The following UGT1A9 variants were observed in gnomAD, a reference collection of about 807,000 sequenced individuals.
UGT1A9 encodes the protein UDP-glucuronosyltransferase 1A9.
Under a neutral mutation model 45.0 loss-of-function variants are expected in UGT1A9, and 35 were observed. The ratio of observed to expected loss-of-function variants is 0.78; its 90% CI spans 0.59 to 1.03. The LOEUF is 1.03. UGT1A9 is among the 50% of genes least tolerant of loss of function. The pLI is 0.00. For synonymous variants in UGT1A9, 278 were observed against 250.6 expected, an observed-to-expected ratio of 1.11 and a Z score of -1.03; for missense variants, 687 against 666.6, an observed-to-expected ratio of 1.03 and a Z score of -0.34.
intron 1 of UGT1A9, among the ~76,000 whole-genome samples, chr2:233,763,457 A>G (rs1297743892): frequency 6.6e-6 from 1 of 152,174 alleles, no homozygotes; most frequent in African/African-American, 2.4e-5. Context: ...GCCTATTTGA[A>G]TCTAACAATT....
At chr2:233,708,245 A>G (rs748407725) in intron 1 of UGT1A9, among the ~76,000 whole-genome samples, 7 of 152,232 alleles carry the variant, frequency 4.6e-5, no homozygotes, top group African/African-American at 1.4e-4. Flanking sequence ...GTATAAGTGT[A>G]CACTTTCCTT....
intron 1 of UGT1A9, among the ~76,000 whole-genome samples, chr2:233,726,718 C>T (rs2077554623): frequency 1.3e-5 from 2 of 152,316 alleles, no homozygotes; most frequent in African/African-American, 2.4e-5. Flanking sequence ...TGAGGAAGTA[C>T]AATGTAGATA....
intron 1 of UGT1A9, chr2:233,730,054 A>T (rs2077976978): frequency 1.2e-6 from 2 of 1,611,936 alleles, no homozygotes; most frequent in East Asian, 4.5e-5. Context: ...AAAAAAATGT[A>T]TTTATTTAAA....
chr2:233,725,771 TTTG>T (rs1358189375), intron 1 of UGT1A9, among the ~76,000 whole-genome samples: 1 of 152,264 alleles, frequency 6.6e-6, no homozygotes, highest in Admixed American at 6.5e-5. Flanking sequence ...CTTCACATAG[TTTG>T]TTGTTATCAT....
chr2:233,713,726 G>A (rs1243333945), intron 1 of UGT1A9: 1 of 1,613,960 alleles, frequency 6.2e-7, no homozygotes, highest in Non-Finnish European at 8.5e-7. Flanking sequence ...AGGTGTCAGT[G>A]GTGGATCTTG....
intron 1 of UGT1A9, chr2:233,747,716 T>C: frequency 6.2e-7 from 1 of 1,613,280 alleles, no homozygotes; most frequent in Non-Finnish European, 8.5e-7. Context: ...TATCAATTCC[T>C]GCTGTGTTTT....
At chr2:233,717,777 A>G (rs1442623000) in intron 1 of UGT1A9, 3 of 456,402 alleles carry the variant, frequency 6.6e-6, no homozygotes, top group South Asian at 4.6e-5. Context: ...TTAATTCTCC[A>G]TTTTGAAATT....
intron 1 of UGT1A9, chr2:233,729,245 A>C (rs548939333): frequency 5.1e-5 from 82 of 1,614,188 alleles, no homozygotes; most frequent in South Asian, 2.9e-4. Context: ...GATGGCAGCC[A>C]CTGGCTCAGC....
intron 1 of UGT1A9, among the ~76,000 whole-genome samples, chr2:233,764,963 G>A (rs1465022385): frequency 6.6e-6 from 1 of 152,090 alleles, no homozygotes; most frequent in East Asian, 1.9e-4. Flanking sequence ...GCTCACCTTG[G>A]GAGAAGGATG....
chr2:233,711,925 CT>C (rs1575497167), intron 1 of UGT1A9, among the ~76,000 whole-genome samples: 1 of 152,210 alleles, frequency 6.6e-6, no homozygotes, highest in East Asian at 1.9e-4. Flanking sequence ...CTCAGGGTCT[CT>C]CCATTAGAAA....
intron 1 of UGT1A9, chr2:233,718,713 C>T (rs2076677661): frequency 2.5e-6 from 4 of 1,607,198 alleles, no homozygotes; most frequent in Non-Finnish European, 1.7e-6. Context: ...CTTCCAATTA[C>T]ATGCTGATTT....
chr2:233,752,764 A>C (rs1695055831), intron 1 of UGT1A9, among the ~76,000 whole-genome samples: 1 of 152,262 alleles, frequency 6.6e-6, no homozygotes, highest in Non-Finnish European at 1.5e-5. Flanking sequence ...CAAACAAACA[A>C]ACAAACAATA....
At chr2:233,749,714 G>C (rs1485343485) in intron 1 of UGT1A9, among the ~76,000 whole-genome samples, 2 of 151,806 alleles carry the variant, frequency 1.3e-5, no homozygotes, top group Non-Finnish European at 2.9e-5. Flanking sequence ...TGGATCATGG[G>C]GGCAGTTTCG....
chr2:233,713,100 G>A (rs528791114), intron 1 of UGT1A9: 8 of 1,614,218 alleles, frequency 5.0e-6, no homozygotes, highest in Non-Finnish European at 5.9e-6. Flanking sequence ...GGTGCCCACT[G>A]ATGGCAGCCA....
Position 233,772,406 on chromosome 2 carries a change from G to A in UGT1A9, c.1440G>A (p.Trp480Ter), listed in dbSNP as rs866632307. Residue 480 changes from tryptophan to a stop codon, truncating the protein, a stop_gained, in exon 5 of 5, where the codon TGG (tryptophan) becomes TGA (stop). Transcript: ENST00000354728. LOFTEE classifies it high-confidence loss of function. ...GCCCCGCAGCCCACGACCTCACCTGGTACCAGTACCATTCCTTGGACGTGA... is the reference window on the plus strand; with the variant it reads ...GCCCCGCAGCCCACGACCTCACCTGATACCAGTACCATTCCTTGGACGTGA... The part of the protein sequence containing the change: ...HLRPAAHDLT[W>*]YQYHSLDVIG... 1 of 1,614,238 alleles carries A rather than the reference G, an allele frequency of 6.2e-7. No homozygotes were observed. Among genetic ancestry groups the A allele is most frequent in the Middle Eastern group, 1.6e-4 (1 of 6,062 alleles).
intron 1 of UGT1A9, chr2:233,713,385 C>G (rs2076315367): frequency 1.2e-6 from 2 of 1,614,134 alleles, no homozygotes; most frequent in African/African-American, 1.3e-5. Context: ...TGTGGAGCTA[C>G]TGCATAATGA....
intron 1 of UGT1A9, chr2:233,748,151 T>G (rs1288204203): frequency 6.9e-6 from 11 of 1,604,706 alleles, no homozygotes; most frequent in Admixed American, 3.3e-5. Context: ...TTACTTACAA[T>G]TGCTTCCATA....
intron 1 of UGT1A9, among the ~76,000 whole-genome samples, chr2:233,694,758 G>A (rs1012611114): frequency 6.6e-6 from 1 of 152,184 alleles, no homozygotes; most frequent in Non-Finnish European, 1.5e-5. Context: ...TAGCCACTGT[G>A]AAAAGGCAAG....
At chr2:233,754,362 T>G in intron 1 of UGT1A9, 1 of 282,658 alleles carries the variant, frequency 3.5e-6, no homozygotes, top group Non-Finnish European at 6.9e-6. Flanking sequence ...TACAGATATT[T>G]ACAATGATCG....
Sources: allele counts gnomAD v4.1 joint callset (sites outside exome capture counted in the v4.1 genomes callset), GRCh38; gene constraint gnomAD v4.1.1; transcripts MANE v1.5; gene names NCBI Gene and HGNC (gene_info 2026-07-23, HGNC 2026-07-21).